FLNB: variants seen among roughly 807,000 people sequenced by gnomAD.
The protein encoded by FLNB is filamin B, also known as filamin-B.
In FLNB, 111 loss-of-function variants were observed where a neutral mutation model predicts 250.6. The ratio of observed to expected loss-of-function variants is 0.44; its 90% CI spans 0.38 to 0.52. FLNB has a LOEUF of 0.52. Among genes scored for constraint, FLNB ranks in the 20% least tolerant of loss-of-function variants. The pLI is 0.00. For missense variants in FLNB, 2,869 were observed against 3,447.8 expected (o/e 0.83, Z 4.20); for synonymous variants, 1,302 against 1,372.1 (o/e 0.95, Z 1.13).
intron 36 of FLNB, among the ~76,000 whole-genome samples, 169 bp downstream of exon 36, chr3:58,149,021 TG>T (rs2097340556): frequency 6.6e-6 from 1 of 152,130 alleles, no homozygotes; most frequent in East Asian, 1.9e-4. Flanking sequence ...TTGGCAAAAA[TG>T]GGATTGTCTT....
intron 29 of FLNB, among the ~76,000 whole-genome samples, chr3:58,140,441 C>G (rs2097324912): frequency 6.6e-6 from 1 of 152,244 alleles, no homozygotes; most frequent in African/African-American, 2.4e-5. Flanking sequence ...GCTCACAGAG[C>G]TGCCTTTGCC....
chr3:58,101,297 A>G (rs771048523), intron 8 of FLNB, among the ~76,000 whole-genome samples: 1 of 152,162 alleles, frequency 6.6e-6, no homozygotes. Context: ...AGATTTGTCA[A>G]ATTTTCAGTG....
rs548108800 is a variant in FLNB at position 58,125,613 on chromosome 3, G to A, written c.3931G>A (p.Val1311Met). 24 of 1,614,168 alleles carry A rather than the reference G, an allele frequency of 1.5e-5. No individual in the cohort carries two copies. The highest frequency in any genetic ancestry group is 2.7e-5 in the African/African-American group (2 of 75,046). Residue 1311 changes from valine (V) to methionine (M), a missense_variant, in exon 23 of 46, where the codon GTG becomes ATG. Coordinates refer to ENST00000295956, the MANE Select transcript of FLNB (RefSeq NM_001457.4). ...TGTAGTGGAGGTGACATATGATGAC[G>A]TGCCTATCCCAAACAGTCCCTTCAA... ...LHVVEVTYDD[V>M]PIPNSPFKVA...
rs940585956 is a variant in FLNB, at chr3:58,110,103, C to A, written c.2417C>A (p.Thr806Lys). 15 of 1,614,084 alleles carry A rather than the reference C, an allele frequency of 9.3e-6. No homozygotes were observed. Among genetic ancestry groups the A allele is most frequent in the Admixed American group, 1.7e-5 (1 of 60,014 alleles). ...DFDIIHNANDTFTVKYVPPAA... is the reference protein window; with the variant it reads ...DFDIIHNANDKFTVKYVPPAA... ...GACATTATTCACAATGCCAATGATACGTTCACAGTCAAATATGTGCCTCCT... is the reference window on the plus strand; with the variant it reads ...GACATTATTCACAATGCCAATGATAAGTTCACAGTCAAATATGTGCCTCCT... The change falls in exon 16 of 46, where the codon ACG becomes AAG. Residue 806 changes from threonine to lysine, a missense_variant. Physicochemically the swap from Thr to Lys is moderately conservative, Grantham distance 78. Transcript: ENST00000295956.
At chr3:58,102,880 C>A (rs1409431502) in intron 9 of FLNB, among the ~76,000 whole-genome samples, 1 of 152,208 alleles carries the variant, frequency 6.6e-6, no homozygotes, top group Non-Finnish European at 1.5e-5. Flanking sequence ...TGTGGAGGTA[C>A]AGGTTAAACC....
At chr3:58,155,684 A>G (rs143830080) in intron 40 of FLNB, among the ~76,000 whole-genome samples, 227 of 152,356 alleles carry the variant, frequency 1.5e-3, no homozygotes, top group South Asian at 4.1e-3. Flanking sequence ...GGTGAAAATT[A>G]AAACGTAATT....
chr3:58,020,705 G>A (rs1210417312), intron 1 of FLNB, among the ~76,000 whole-genome samples: 1 of 139,850 alleles, frequency 7.2e-6, no homozygotes, highest in African/African-American at 2.8e-5. Context: ...AAGTTTTCTG[G>A]AATTTCCTTT....
At chr3:58,055,028 AG>A (rs2097168061) in intron 1 of FLNB, among the ~76,000 whole-genome samples, 2 of 152,080 alleles carry the variant, frequency 1.3e-5, no homozygotes, top group African/African-American at 4.8e-5. Context: ...GCACTTTGGG[AG>A]GTTGAGGTGG....
Position 58,169,897 on chromosome 3 carries a change from A to T in FLNB, c.7621+104A>T. ...GAGGTCTCCTGCAGTGCCCACCCCC[A>T]TGTAGGCCAGCCGTTTGCAAGTAAC... On this transcript the variant is annotated intron_variant, in intron 45 of 45. Coordinates refer to ENST00000295956, the MANE Select transcript of FLNB (RefSeq NM_001457.4). The surrounding 1 kb of genome is among the most constrained non-coding windows in gnomAD (Gnocchi z 4.8). 2.5e-6 allele frequency: 2 copies of T among 807,374 alleles called. 1 individual carries two copies. The allele number at this position is 807,374 out of a possible 1,614,324, so 50.0% of individuals were successfully genotyped here.
Position 58,130,896 on chromosome 3 carries a change from C to T in FLNB, c.4378C>T (p.Leu1460=). 1 of 1,611,456 alleles carries T rather than the reference C, an allele frequency of 6.2e-7. No homozygotes were observed. Among genetic ancestry groups the T allele is most frequent in the Non-Finnish European group, 8.5e-7 (1 of 1,179,254 alleles). The change falls in exon 25 of 46, where the codon CTG becomes TTG. Residue 1460 remains leucine (L), a synonymous_variant. Transcript: ENST00000295956. ...AGLAPLEVRV[L]GPRGLVEPVN... ...CCTGGCTCCGCTGGAAGTGAGGGTT[C>T]TGGGCCCACGAGGTAAGTGTGCACC...
chr3:58,154,262 GCT>G (rs1284250853), intron 39 of FLNB, among the ~76,000 whole-genome samples: 1 of 152,180 alleles, frequency 6.6e-6, no homozygotes, highest in Non-Finnish European at 1.5e-5. Context: ...TGTATTCAGG[GCT>G]GGGCGTGGTG....
intron 4 of FLNB, among the ~76,000 whole-genome samples, chr3:58,091,144 T>G (rs571282497): frequency 6.6e-6 from 1 of 152,110 alleles, no homozygotes; most frequent in Admixed American, 6.5e-5. Flanking sequence ...TCAGGTTTGA[T>G]GCAATTGCTG....
At chr3:58,014,391 A>G (rs1180719383) in intron 1 of FLNB, among the ~76,000 whole-genome samples, 1 of 152,216 alleles carries the variant, frequency 6.6e-6, no homozygotes, top group African/African-American at 2.4e-5. Context: ...GCGTCTGGTC[A>G]TTCCAGCCTC....
At chr3:58,015,987 C>A (rs2097105182) in intron 1 of FLNB, among the ~76,000 whole-genome samples, 2 of 151,750 alleles carry the variant, frequency 1.3e-5, no homozygotes, top group African/African-American at 4.8e-5. Context: ...GAGGGGTGGG[C>A]AGGGCTGGTT....
intron 18 of FLNB, among the ~76,000 whole-genome samples, chr3:58,118,045 C>A (rs1034220823): frequency 6.6e-5 from 10 of 152,116 alleles, no homozygotes; most frequent in Non-Finnish European, 1.5e-5. Context: ...TTTCTTGGAG[C>A]CTCGATTTGG....
At chr3:58,012,415 T>C (rs1036565994) in intron 1 of FLNB, among the ~76,000 whole-genome samples, 2 of 152,156 alleles carry the variant, frequency 1.3e-5, no homozygotes, top group African/African-American at 4.8e-5. Context: ...AAATGGTGTC[T>C]GAAACCCAGG....
chr3:58,139,531 G>T (rs777821311), intron 29 of FLNB, among the ~76,000 whole-genome samples: 9 of 152,204 alleles, frequency 5.9e-5, no homozygotes, highest in African/African-American at 1.4e-4. Context: ...TCTATACTCT[G>T]TTGTAGTATT....
At chr3:58,095,225 G>T (rs56159670) in intron 5 of FLNB, among the ~76,000 whole-genome samples, 12 of 96,070 alleles carry the variant, frequency 1.2e-4, no homozygotes, top group African/African-American at 4.1e-4. Flanking sequence ...TGAGGTTTAT[G>T]TATGTATTTA....
chr3:58,051,684 G>T (rs56388610), intron 1 of FLNB, among the ~76,000 whole-genome samples: 7 of 49,526 alleles, frequency 1.4e-4, no homozygotes, highest in African/African-American at 1.1e-3. Context: ...AGTTTTTTTG[G>T]GTTTTTTTTT....
Sources: allele counts gnomAD v4.1 joint callset (sites outside exome capture counted in the v4.1 genomes callset), GRCh38; gene constraint gnomAD v4.1.1; non-coding constraint Gnocchi (gnomAD v3.1); transcripts MANE v1.5; gene names NCBI Gene and HGNC (gene_info 2026-07-23, HGNC 2026-07-21).